UPF3A: variants seen among roughly 807,000 people sequenced by gnomAD.
The protein encoded by UPF3A is regulator of nonsense transcripts 3A.
Under a neutral mutation model 53.5 loss-of-function variants are expected in UPF3A, and 42 were observed. That is an observed-to-expected ratio of 0.78 (90% CI 0.61 to 1.01). UPF3A has a LOEUF of 1.01. UPF3A is among the 50% of genes least tolerant of loss of function. UPF3A has a pLI of 0.00. For synonymous variants in UPF3A, 237 were observed against 225.3 expected (o/e 1.05, Z -0.47); for missense variants, 575 against 598.0 (o/e 0.96, Z 0.40).
At chr13:114,286,958 G>C (rs1202995638) in intron 5 of UPF3A, 2 of 227,054 alleles carry the variant, frequency 8.8e-6, no homozygotes, top group Non-Finnish European at 1.7e-5. Context: ...GTTGAAGTCA[G>C]TGGTCACAGA....
At chr13:114,284,401 A>G (rs1292533124) in intron 3 of UPF3A, among the ~76,000 whole-genome samples, 2 of 151,352 alleles carry the variant, frequency 1.3e-5, no homozygotes, top group Non-Finnish European at 2.9e-5. Context: ...GTGTGTGTAA[A>G]ATATGTGTAA....
chr13:114,300,567 A>G (rs1363204414), intron 8 of UPF3A, among the ~76,000 whole-genome samples: 1 of 148,394 alleles, frequency 6.7e-6, no homozygotes, highest in Admixed American at 6.7e-5. Context: ...TTTGAAACGG[A>G]GTTTTCCTCT....
chr13:114,282,005 C>G lies in UPF3A; in HGVS notation c.208-16C>G, dbSNP rs750309091. 1 of 1,543,592 alleles carries G rather than the reference C, an allele frequency of 6.5e-7. No individual in the cohort carries two copies. The highest frequency in any genetic ancestry group is 2.0e-5 in the Admixed American group (1 of 51,196). On this transcript the variant is annotated splice_polypyrimidine_tract_variant and intron_variant, in intron 1 of 9. Transcript: ENST00000375299. Reference sequence around the variant, plus strand: ...CACGCTCCGCCCCGGTGGGAACGGCCGCGCGCTCCCCGCAGGTGGTCATCC... The same window carrying G: ...CACGCTCCGCCCCGGTGGGAACGGCGGCGCGCTCCCCGCAGGTGGTCATCC...
At chr13:114,289,469 A>G (rs996639578) in intron 5 of UPF3A, among the ~76,000 whole-genome samples, 1 of 150,618 alleles carries the variant, frequency 6.6e-6, no homozygotes, top group Admixed American at 6.7e-5. Context: ...GGTTACAGTG[A>G]GCCAAGACCA....
chr13:114,294,281 G>GA (rs201412058), intron 7 of UPF3A, among the ~76,000 whole-genome samples: 1 of 151,120 alleles, frequency 6.6e-6, no homozygotes, highest in African/African-American at 2.4e-5. Flanking sequence ...GGTGGGGGGG[G>GA]GGTTTGAGAC....
intron 7 of UPF3A, among the ~76,000 whole-genome samples, chr13:114,292,075 G>A (rs1051019568): frequency 1.3e-5 from 2 of 151,684 alleles, no homozygotes; most frequent in African/African-American, 4.8e-5. Flanking sequence ...CACACGTTGG[G>A]CTGCTGCTGA....
intron 3 of UPF3A, 106 bp from the exon 4 acceptor site, chr13:114,286,196 C>A: frequency 7.5e-7 from 1 of 1,326,384 alleles, no homozygotes; most frequent in Non-Finnish European, 1.0e-6. Context: ...AGTAATAATG[C>A]ATTGTCGTTG....
chr13:114,283,729 C>T (rs1317393143), intron 3 of UPF3A: 10 of 983,666 alleles, frequency 1.0e-5, no homozygotes, highest in Non-Finnish European at 1.2e-5. Flanking sequence ...CTCAATAGTT[C>T]CCTTATCAGT....
At chr13:114,302,909 C>G (rs1258472101) in intron 9 of UPF3A, among the ~76,000 whole-genome samples, 1 of 152,108 alleles carries the variant, frequency 6.6e-6, no homozygotes, top group Non-Finnish European at 1.5e-5. Flanking sequence ...CGAGACCAGC[C>G]TGGCCAACAT....
intron 7 of UPF3A, among the ~76,000 whole-genome samples, chr13:114,294,917 C>T (rs529447296): frequency 6.6e-6 from 1 of 151,208 alleles, no homozygotes; most frequent in Non-Finnish European, 1.5e-5. Context: ...TCGAGACCAT[C>T]CTGGCTAACA....
chr13:114,287,330 C>T (rs1435173509), intron 5 of UPF3A: 1 of 152,320 alleles, frequency 6.6e-6, no homozygotes, highest in East Asian at 1.9e-4. Flanking sequence ...CCTGCCCACC[C>T]ATCAAGATGG....
At chr13:114,299,127 C>G in intron 8 of UPF3A, 127 bp downstream of exon 8, 1 of 942,252 alleles carries the variant, frequency 1.1e-6, no homozygotes, top group Non-Finnish European at 1.5e-6. Flanking sequence ...TGCGAGTACA[C>G]GTTAGCCTTC....
chr13:114,281,655 GA>G lies in UPF3A; in HGVS notation c.17del (p.Glu6GlyfsTer24). 6.6e-7 allele frequency: 1 copy of G among 1,506,200 alleles called. No individual in the cohort carries two copies. Among genetic ancestry groups the G allele is most frequent in the Non-Finnish European group, 8.9e-7 (1 of 1,128,720 alleles). The allele number at this position is 1,506,200 out of a possible 1,614,324, so 93.3% of individuals were successfully genotyped here. On this transcript the variant is annotated frameshift_variant, in exon 1 of 10. Transcript: ENST00000375299. LOFTEE classifies it high-confidence loss of function. MRSEKEGAGGLRAAVA... is the reference protein window; with the variant it reads MRSEKXGAGGLRAAVA... ...AGAGTGCGGCATGCGCTCGGAAAAG[GA>G]GGGGGCCGGAGGCCTTCGGGCGGCC...
In UPF3A at chr13:114,282,316, G is replaced by C. The variant is rs2084165163; in HGVS notation, c.314+189G>C. ...AAAATACCACCAACAAAGAAACACA[G>C]ATGTGGTTTACATGAAAAATGCGGA... On this transcript the variant is annotated intron_variant, in intron 2 of 9. Coordinates refer to ENST00000375299, the MANE Select transcript of UPF3A (RefSeq NM_023011.4). 5.8e-6 allele frequency: 5 copies of C among 859,104 alleles called. No individual in the cohort carries two copies. In the Admixed American group the frequency reaches 1.0e-4, roughly 18 times the overall value. 53.2% of individuals were successfully genotyped at this position (859,104 alleles called of 1,614,324 possible). A position where few individuals can be genotyped will look rare whatever the true frequency, so the allele number is the denominator to read the frequency against.
intron 8 of UPF3A, among the ~76,000 whole-genome samples, chr13:114,300,367 T>A (rs1822969049): frequency 6.6e-6 from 1 of 152,110 alleles, no homozygotes; most frequent in African/African-American, 2.4e-5. Flanking sequence ...TTTATTATTT[T>A]ATTTTATTTT....
intron 3 of UPF3A, 151 bp from the exon 4 acceptor site, chr13:114,286,151 A>T: frequency 9.9e-7 from 1 of 1,011,948 alleles, no homozygotes; most frequent in African/African-American, 1.6e-5. Flanking sequence ...TCTTTTTTTT[A>T]ATCTCTTACT....
Position 114,298,798 on chromosome 13 carries a change from A to G in UPF3A, c.847-42A>G, listed in dbSNP as rs371335717. ...TTTATTTAACAGCTTCTTTTAAAAT[A>G]TGCTCTCAAGGTGATACTTTACTAA... On this transcript the variant is annotated intron_variant, in intron 7 of 9. Coordinates refer to ENST00000375299, the MANE Select transcript of UPF3A (RefSeq NM_023011.4). The G allele has an allele frequency of 2.5e-5, 36 of 1,419,710 alleles. No individual in the cohort carries two copies. In the African/African-American group the frequency reaches 5.0e-4, roughly 20 times the overall value. 87.9% of individuals were successfully genotyped at this position (1,419,710 alleles called of 1,614,324 possible). A position where few individuals can be genotyped will look rare whatever the true frequency, so the allele number is the denominator to read the frequency against.
chr13:114,282,515 A>G (rs2084203648), intron 2 of UPF3A: 1 of 985,442 alleles, frequency 1.0e-6, no homozygotes, highest in Non-Finnish European at 1.2e-6. Flanking sequence ...GCGGTTTTAA[A>G]TACCGGAGAA....
intron 7 of UPF3A, among the ~76,000 whole-genome samples, chr13:114,293,532 T>G (rs900255292): frequency 1.3e-5 from 2 of 152,232 alleles, no homozygotes; most frequent in Non-Finnish European, 2.9e-5. Context: ...GAGTTTTTTC[T>G]GTGACTGATA....
Sources: allele counts gnomAD v4.1 joint callset (sites outside exome capture counted in the v4.1 genomes callset), GRCh38; gene constraint gnomAD v4.1.1; transcripts MANE v1.5; gene names NCBI Gene and HGNC (gene_info 2026-07-23, HGNC 2026-07-21).